Variants in RBFOX1 observed in about 807,000 individuals in gnomAD.
RBFOX1 encodes RNA binding protein fox-1 homolog 1.
RBFOX1 carries 8 observed loss-of-function variants against 57.7 expected under a neutral mutation model. The observed-to-expected ratio is 0.14, with a 90% CI of 0.08 to 0.25. The LOEUF (loss-of-function observed/expected upper bound fraction) is 0.25, where lower values mean the gene tolerates loss of function less well. Among genes scored for constraint, RBFOX1 ranks in the 10% least tolerant of loss-of-function variants. The pLI is 1.00. For missense variants in RBFOX1, 611 were observed against 548.5 expected, an observed-to-expected ratio of 1.11 and a Z score of -1.14; for synonymous variants, 326 against 222.4, an observed-to-expected ratio of 1.47 and a Z score of -4.15.
chr16:5,590,932 C>T (rs944495290), intron 2 of RBFOX1, among the ~76,000 whole-genome samples: 3 of 152,048 alleles, frequency 2.0e-5, no homozygotes, highest in African/African-American at 7.2e-5. Flanking sequence ...CCAATGCCAG[C>T]ATTTCTGCAT....
At chr16:5,981,072 G>A (rs2060163529) in intron 4 of RBFOX1, among the ~76,000 whole-genome samples, 1 of 152,228 alleles carries the variant, frequency 6.6e-6, no homozygotes, top group Non-Finnish European at 1.5e-5. Context: ...AGGATGCTCA[G>A]TGGGTCCTAC....
chr16:6,814,966 G>C (rs552247314), intron 3 of RBFOX1, among the ~76,000 whole-genome samples: 2 of 152,168 alleles, frequency 1.3e-5, no homozygotes, highest in Non-Finnish European at 2.9e-5. Flanking sequence ...CTGTTCTACA[G>C]GCAGAGCAGT....
At chr16:5,891,759 C>T (rs1173433396) in intron 4 of RBFOX1, among the ~76,000 whole-genome samples, 1 of 152,108 alleles carries the variant, frequency 6.6e-6, no homozygotes, top group African/African-American at 2.4e-5. Context: ...GTTCCTGGGG[C>T]AGAGCTGGGG....
rs1567303548 is a variant in RBFOX1, at chr16:6,450,821, A to ATG, written c.-64+133765_-64+133766insGT. 2.5e-3 allele frequency among the ~76,000 whole-genome samples: 71 copies of ATG among 28,582 alleles called. 9 individuals carry two copies. Among genetic ancestry groups the ATG allele is most frequent in the African/African-American group, 0.012 (52 of 4,412 alleles). The allele number at this position is 28,582 out of a possible 152,430, so 18.8% of individuals were successfully genotyped here. A position where few individuals can be genotyped will look rare whatever the true frequency, so the allele number is the denominator to read the frequency against. On this transcript the variant is annotated intron_variant, in intron 2 of 15. Transcript: ENST00000550418. ...TATATGTATATATATATATATACATATATATATATATATATGTGTATATAT... is the reference window on the plus strand; with the variant it reads ...TATATGTATATATATATATATACATATGTATATATATATATATGTGTATATAT...
At chr16:7,458,189 A>C (rs532419520) in intron 4 of RBFOX1, among the ~76,000 whole-genome samples, 1 of 152,266 alleles carries the variant, frequency 6.6e-6, no homozygotes, top group African/African-American at 2.4e-5. Context: ...AGCCATATGC[A>C]TTACAAAGAC....
chr16:5,485,665 C>T (rs886305877), intron 2 of RBFOX1, among the ~76,000 whole-genome samples: 1 of 152,174 alleles, frequency 6.6e-6, no homozygotes, highest in Non-Finnish European at 1.5e-5. Flanking sequence ...AATAACTTGT[C>T]CAGGCAGCCT....
At chr16:5,300,283 C>T (rs1011184189) in intron 1 of RBFOX1, among the ~76,000 whole-genome samples, 2 of 152,064 alleles carry the variant, frequency 1.3e-5, no homozygotes, top group Admixed American at 6.6e-5. Flanking sequence ...ATATGCTGGC[C>T]TTAAAAATGG....
At chr16:7,046,651 G>A (rs1264868186) in intron 3 of RBFOX1, among the ~76,000 whole-genome samples, 1 of 127,182 alleles carries the variant, frequency 7.9e-6, no homozygotes, top group African/African-American at 3.1e-5. Context: ...CAGAGTCTCA[G>A]TCTGTGTGCA....
At position 7,020,270 on chromosome 16, in the gene RBFOX1, G is replaced by C. The variant is rs941795000; in HGVS notation, c.-15-31787G>C. ...AGACAGAATCTTGCCCTGTTACCCA[G>C]GCTGGAGTGCAGAGGCACAGTCTTG... On this transcript the variant is annotated intron_variant, in intron 3 of 15. Coordinates refer to ENST00000550418, the MANE Select transcript of RBFOX1 (RefSeq NM_018723.4). 2.8e-4 allele frequency among the ~76,000 whole-genome samples: 43 copies of C among 151,810 alleles called. 1 individual carries two copies. The highest frequency in any genetic ancestry group is 1.0e-3 in the African/African-American group (42 of 41,368).
intron 4 of RBFOX1, among the ~76,000 whole-genome samples, chr16:5,932,704 A>T (rs1414620652): frequency 2.0e-5 from 3 of 152,248 alleles, no homozygotes; most frequent in South Asian, 2.1e-4. Context: ...CACTGGGGTC[A>T]GGAGGCTCTG....
At chr16:5,713,743 C>G (rs551755606) in intron 3 of RBFOX1, among the ~76,000 whole-genome samples, 3 of 152,304 alleles carry the variant, frequency 2.0e-5, no homozygotes, top group East Asian at 1.9e-4. Context: ...CACAGAGAGA[C>G]TCATGCAAAC....
intron 1 of RBFOX1, among the ~76,000 whole-genome samples, chr16:6,188,600 C>G (rs1043413935): frequency 2.6e-5 from 4 of 152,102 alleles, no homozygotes. Context: ...ACATTTTCTG[C>G]TAACTCCTTG....
At chr16:7,016,718 T>C (rs780601675) in intron 3 of RBFOX1, among the ~76,000 whole-genome samples, 3 of 152,202 alleles carry the variant, frequency 2.0e-5, no homozygotes, top group Non-Finnish European at 4.4e-5. Flanking sequence ...TATTTTTCTT[T>C]TTTCTAAAGT....
At chr16:5,824,828 A>G (rs559740523) in intron 3 of RBFOX1, among the ~76,000 whole-genome samples, 2 of 152,244 alleles carry the variant, frequency 1.3e-5, no homozygotes, top group East Asian at 1.9e-4. Context: ...CCTGAGGCCT[A>G]CTTCCCATCC....
chr16:7,430,513 T>C, intron 4 of RBFOX1, among the ~76,000 whole-genome samples: 1 of 151,956 alleles, frequency 6.6e-6, no homozygotes, highest in East Asian at 1.9e-4. Context: ...TACAAAAAAA[T>C]TAGCCAGCCG....
At chr16:7,531,267 G>A (rs1186638232) in intron 5 of RBFOX1, among the ~76,000 whole-genome samples, 7 of 152,124 alleles carry the variant, frequency 4.6e-5, no homozygotes, top group African/African-American at 1.7e-4. Context: ...GAAACTTCTT[G>A]GGCTGAAAGG....
chr16:5,591,395 G>A (rs1238858258), intron 2 of RBFOX1, among the ~76,000 whole-genome samples: 2 of 151,990 alleles, frequency 1.3e-5, no homozygotes, highest in Admixed American at 1.3e-4. Context: ...GGGACTACAG[G>A]CACCCACCAC....
chr16:5,504,147 G>A (rs1208172910), intron 2 of RBFOX1, among the ~76,000 whole-genome samples: 1 of 152,202 alleles, frequency 6.6e-6, no homozygotes, highest in Non-Finnish European at 1.5e-5. Flanking sequence ...AAGCAGCTTG[G>A]CTCAGGATTA....
intron 1 of RBFOX1, among the ~76,000 whole-genome samples, chr16:6,312,222 T>G (rs1323396946): frequency 6.6e-6 from 1 of 152,144 alleles, no homozygotes; most frequent in African/African-American, 2.4e-5. Flanking sequence ...GAAGTGAGTT[T>G]CAGCACTAAA....
Sources: allele counts gnomAD v4.1 joint callset (sites outside exome capture counted in the v4.1 genomes callset), GRCh38; gene constraint gnomAD v4.1.1; transcripts MANE v1.5; gene names NCBI Gene and HGNC (gene_info 2026-07-23, HGNC 2026-07-21).